The following ACTL8 variants were observed in gnomAD, a reference collection of about 807,000 sequenced individuals.
ACTL8 encodes actin like 8, also known as actin-like protein 8.
A neutral mutation model predicts 9.3 loss-of-function variants in ACTL8; 3 were observed. The observed-to-expected ratio is 0.32, with a 90% CI of 0.15 to 0.83. ACTL8 has a LOEUF of 0.83. Ranked by LOEUF, ACTL8 falls within the 40% of genes least tolerant of loss-of-function variation. The probability of loss-of-function intolerance (pLI) is 0.57; values close to 1 mark genes in which losing one functional copy is unlikely to be tolerated. For missense variants in ACTL8, 381 were observed against 492.2 expected (o/e 0.77, Z 2.14); for synonymous variants, 224 against 205.9 (o/e 1.09, Z -0.75).
intron 1 of ACTL8, among the ~76,000 whole-genome samples, chr1:17,760,997 T>G (rs1374896623): frequency 1.3e-5 from 2 of 152,112 alleles, no homozygotes; most frequent in Non-Finnish European, 2.9e-5. Flanking sequence ...GCACAAGTCC[T>G]TATTGGAGGG....
chr1:17,805,138 G>A (rs1383726545), intron 1 of ACTL8, among the ~76,000 whole-genome samples: 2 of 151,960 alleles, frequency 1.3e-5, no homozygotes, highest in Non-Finnish European at 2.9e-5. Flanking sequence ...CCAGCCACAC[G>A]GGGAAGCACC....
At chr1:17,808,914 G>C (rs2066376549) in intron 1 of ACTL8, among the ~76,000 whole-genome samples, 1 of 152,184 alleles carries the variant, frequency 6.6e-6, no homozygotes, top group Admixed American at 6.5e-5. Context: ...GCCAGAGACT[G>C]GTGGGCTTTG....
At chr1:17,821,826 A>G (rs956759672) in intron 1 of ACTL8, among the ~76,000 whole-genome samples, 9 of 152,080 alleles carry the variant, frequency 5.9e-5, no homozygotes, top group African/African-American at 2.2e-4. Flanking sequence ...GGGTTTCATC[A>G]TGTTGGCCAG....
At chr1:17,789,818 G>A (rs547632381) in intron 1 of ACTL8, among the ~76,000 whole-genome samples, 8 of 152,218 alleles carry the variant, frequency 5.3e-5, no homozygotes, top group South Asian at 2.1e-4. Flanking sequence ...TGACCATACC[G>A]TTGTTATAGG....
At chr1:17,760,991 A>G (rs1295246796) in intron 1 of ACTL8, among the ~76,000 whole-genome samples, 1 of 152,324 alleles carries the variant, frequency 6.6e-6, no homozygotes, top group East Asian at 1.9e-4. Context: ...AAGGTAGCAC[A>G]AGTCCTTATT....
chr1:17,803,412 C>T (rs963576329), intron 1 of ACTL8, among the ~76,000 whole-genome samples: 1 of 152,222 alleles, frequency 6.6e-6, no homozygotes, highest in African/African-American at 2.4e-5. Context: ...CTCACTGCAG[C>T]CTTCACCTCC....
At position 17,766,856 on chromosome 1, in the gene ACTL8, C is replaced by T. The variant is rs11590522; in HGVS notation, c.-25+11352C>T. Among the ~76,000 whole-genome samples, 1,035 of 152,248 alleles carry T rather than the reference C, an allele frequency of 6.8e-3. 11 individuals carry two copies. Among genetic ancestry groups the T allele is most frequent in the African/African-American group, 0.024 (988 of 41,548 alleles). On this transcript the variant is annotated intron_variant, in intron 1 of 2. Transcript: ENST00000375406. ...GGGGTGTTCATTTGTTCATTCATTCCTAAGCTATGGTTGAATGAATGAATG... is the reference window on the plus strand; with the variant it reads ...GGGGTGTTCATTTGTTCATTCATTCTTAAGCTATGGTTGAATGAATGAATG...
intron 1 of ACTL8, among the ~76,000 whole-genome samples, chr1:17,785,780 T>C (rs147132052): frequency 6.6e-6 from 1 of 152,360 alleles, no homozygotes; most frequent in East Asian, 1.9e-4. Context: ...CCTTGTTGCA[T>C]AACAAATGAC....
rs1333965329 is a variant in ACTL8 at position 17,767,138 on chromosome 1, T to A, written c.-25+11634T>A. On this transcript the variant is annotated intron_variant, in intron 1 of 2. Transcript: ENST00000375406. The surrounding 1 kb of genome is among the most constrained non-coding windows in gnomAD (Gnocchi z 4.7). ...ACACCTGAGGGGGAAGCGAGACGGG[T>A]GAGCATCATGAAGAAGGGGTTCCAG... is the stretch of plus-strand genomic sequence containing the variant. Among the ~76,000 whole-genome samples the A allele has an allele frequency of 6.6e-6, 1 of 151,932 alleles. No homozygotes were observed. Among genetic ancestry groups the A allele is most frequent in the Non-Finnish European group, 1.5e-5 (1 of 67,976 alleles).
intron 1 of ACTL8, among the ~76,000 whole-genome samples, chr1:17,763,118 G>A (rs1307962528): frequency 6.6e-6 from 1 of 152,148 alleles, no homozygotes; most frequent in Non-Finnish European, 1.5e-5. Flanking sequence ...CAATGAAAGA[G>A]CCTGGCCTGC....
chr1:17,786,318 T>C (rs1006039257), intron 1 of ACTL8, among the ~76,000 whole-genome samples: 14 of 152,246 alleles, frequency 9.2e-5, no homozygotes, highest in African/African-American at 2.9e-4. Context: ...GAGGGAATTA[T>C]ACAAGTATGT....
rs1165548069 is a variant in ACTL8, at chr1:17,823,114, C to G, written c.106C>G (p.Leu36Val). 4 of 1,614,232 alleles carry G rather than the reference C, an allele frequency of 2.5e-6. No homozygotes were observed. Among genetic ancestry groups the G allele is most frequent in the Admixed American group, 3.3e-5 (2 of 60,028 alleles). Residue 36 changes from leucine to valine, a missense_variant, in exon 2 of 3, where the codon CTA becomes GTA. By Grantham distance (32) the Leu-to-Val change is conservative. Coordinates refer to ENST00000375406, the MANE Select transcript of ACTL8 (RefSeq NM_030812.3). The surrounding 1 kb of genome is among the most constrained non-coding windows in gnomAD (Gnocchi z 5.3). ...QMVFPNIVNYLPCKENPGPSY... is the reference protein window; with the variant it reads ...QMVFPNIVNYVPCKENPGPSY... ...GGTCTTCCCGAACATCGTGAACTAC[C>G]TACCGTGCAAGGAGAACCCTGGCCC...
intron 1 of ACTL8, among the ~76,000 whole-genome samples, chr1:17,760,551 T>C (rs1460742372): frequency 6.6e-6 from 1 of 152,178 alleles, no homozygotes; most frequent in Non-Finnish European, 1.5e-5. Flanking sequence ...CAGGATGTCC[T>C]AGCTTCCCCC....
intron 1 of ACTL8, among the ~76,000 whole-genome samples, chr1:17,804,664 A>G (rs1055411134): frequency 2.0e-5 from 3 of 151,270 alleles, no homozygotes; most frequent in African/African-American, 4.9e-5. Flanking sequence ...CTGGAGTACA[A>G]TGGTGCCATC....
chr1:17,812,427 C>CTT (rs141182523), intron 1 of ACTL8, among the ~76,000 whole-genome samples: 205 of 122,404 alleles, frequency 1.7e-3, no homozygotes, highest in Non-Finnish European at 2.4e-3. Context: ...ATTTTTTTTC[C>CTT]TTTTTTTTTT....
chr1:17,778,279 T>G (rs996704181), intron 1 of ACTL8, among the ~76,000 whole-genome samples: 2 of 152,184 alleles, frequency 1.3e-5, no homozygotes, highest in African/African-American at 4.8e-5. Flanking sequence ...GGGCCTGCTC[T>G]TTTCCTGGTG....
chr1:17,814,428 ATATC>A (rs1435048868), intron 1 of ACTL8, among the ~76,000 whole-genome samples: 1 of 152,226 alleles, frequency 6.6e-6, no homozygotes, highest in Non-Finnish European at 1.5e-5. Flanking sequence ...GCAAGACTCT[ATATC>A]TACCAACAAA....
chr1:17,795,231 G>A (rs945867620), intron 1 of ACTL8, among the ~76,000 whole-genome samples: 4 of 152,186 alleles, frequency 2.6e-5, no homozygotes, highest in African/African-American at 9.7e-5. Flanking sequence ...CAGAAGGGAG[G>A]GCAAAGCAAA....
intron 1 of ACTL8, among the ~76,000 whole-genome samples, chr1:17,801,927 A>G (rs2066325383): frequency 6.6e-6 from 1 of 152,224 alleles, no homozygotes; most frequent in South Asian, 2.1e-4. Flanking sequence ...ACAGATGGGT[A>G]TATGAAGGGT....
Sources: gnomAD v4.1 joint callset for allele counts (sites outside exome capture counted in the v4.1 genomes callset) on GRCh38, gnomAD v4.1.1 for gene constraint, Gnocchi (gnomAD v3.1) non-coding constraint, MANE v1.5 for transcripts, NCBI Gene and HGNC (gene_info 2026-07-23, HGNC 2026-07-21) for gene names.